The following PARP16 variants were observed in gnomAD, a reference collection of about 807,000 sequenced individuals.
The protein encoded by PARP16 is poly(ADP-ribose) polymerase family member 16, also known as protein mono-ADP-ribosyltransferase PARP16.
A neutral mutation model predicts 35.0 loss-of-function variants in PARP16; 31 were observed. The observed-to-expected ratio is 0.88, with a 90% CI of 0.66 to 1.19. PARP16 has a LOEUF of 1.19. PARP16 is among the 50% of genes most tolerant of loss of function. The probability of loss-of-function intolerance (pLI) is 0.00; values close to 1 mark genes in which losing one functional copy is unlikely to be tolerated. For synonymous variants in PARP16, 162 were observed against 169.5 expected, an observed-to-expected ratio of 0.96 and a Z score of 0.34; for missense variants, 424 against 411.2, an observed-to-expected ratio of 1.03 and a Z score of -0.27.
chr15:65,250,106 C>CTTTTTTTTTTTTTTTT (rs1567013240), intron 2 of PARP16, among the ~76,000 whole-genome samples: 2 of 104,198 alleles, frequency 1.9e-5, no homozygotes, highest in Admixed American at 1.1e-4. Context: ...CACCTGCTTG[C>CTTTTTTTTTTTTTTTT]CTTTTTTTTT....
chr15:65,270,846 C>T (rs1472442406), intron 2 of PARP16, 89 bp downstream of exon 2: 5 of 1,295,274 alleles, frequency 3.9e-6, no homozygotes, highest in African/African-American at 1.5e-5. Flanking sequence ...GTCACTGGTA[C>T]ACAGGGAAGT....
At chr15:65,233,449 T>C (rs2088807327), downstream of PARP16, among the ~76,000 whole-genome samples, 1 of 150,434 alleles carries the variant, frequency 6.6e-6, no homozygotes, top group African/African-American at 2.4e-5. Context: ...AAATAACTTG[T>C]TAAGAGAAGC....
At chr15:65,256,003 TC>T (rs761226628), downstream of PARP16, among the ~76,000 whole-genome samples, 126 of 152,282 alleles carry the variant, frequency 8.3e-4, no homozygotes, top group Non-Finnish European at 1.3e-3. Context: ...CTGAAACTGT[TC>T]CTGCTGAGTT....
intron 1 of PARP16, among the ~76,000 whole-genome samples, chr15:65,284,482 G>T (rs2090521439): frequency 6.6e-6 from 1 of 151,604 alleles, no homozygotes; most frequent in Non-Finnish European, 1.5e-5. Context: ...CTGAGTAGCT[G>T]GGATTACCAG....
At chr15:65,274,101 C>T (rs1261857426) in intron 1 of PARP16, among the ~76,000 whole-genome samples, 1 of 151,516 alleles carries the variant, frequency 6.6e-6, no homozygotes, top group African/African-American at 2.4e-5. Flanking sequence ...TGCCGCCATG[C>T]CCAGCTAATT....
chr15:65,286,361 G>C lies in PARP16; in HGVS notation c.66C>G (p.Leu22=). The C allele has an allele frequency of 6.3e-7, 1 of 1,582,904 alleles. No individual in the cohort carries two copies. The highest frequency in any genetic ancestry group is 8.6e-7 in the Non-Finnish European group (1 of 1,167,066). ...GGGCCGAGGCGAAGAGGCTGCACCG[G>C]AGGTCGGCGGCCAGCATGTCGCGGC... is the stretch of plus-strand genomic sequence containing the variant. ...AAGRDMLAAD[L]RCSLFASALQ... Residue 22 remains leucine (L), a synonymous_variant, in exon 1 of 6, where the codon CTC becomes CTG. Transcript: ENST00000649807.
At chr15:65,277,081 A>C (rs796149476) in intron 1 of PARP16, among the ~76,000 whole-genome samples, 25 of 152,206 alleles carry the variant, frequency 1.6e-4, no homozygotes, top group African/African-American at 5.8e-4. Context: ...ACCCTTAATA[A>C]GGCACTTAGG....
At chr15:65,281,984 T>A (rs1204150879) in intron 1 of PARP16, among the ~76,000 whole-genome samples, 2 of 152,238 alleles carry the variant, frequency 1.3e-5, no homozygotes, top group African/African-American at 4.8e-5. Flanking sequence ...TTCACATTAC[T>A]TCCTAGTGCT....
chr15:65,249,390 T>C (rs993516720), intron 2 of PARP16, among the ~76,000 whole-genome samples: 1 of 152,182 alleles, frequency 6.6e-6, no homozygotes, highest in African/African-American at 2.4e-5. Flanking sequence ...GTGACAGTCA[T>C]ATTACAAACA....
intron 3 of PARP16, among the ~76,000 whole-genome samples, chr15:65,239,982 G>C (rs1193271567): frequency 5.1e-5 from 2 of 39,296 alleles, no homozygotes; most frequent in African/African-American, 3.0e-4. Context: ...TTTAAATACA[G>C]GGTCTCACTC....
Position 65,286,822 on chromosome 15 carries a change from G to A in PARP16, c.-396C>T. ...GCCTGGGGCGGGAAGCAGCCCCCGGGGGACGGCGGGCAGAGCCCACTCTCC... is the reference window on the plus strand; with the variant it reads ...GCCTGGGGCGGGAAGCAGCCCCCGGAGGACGGCGGGCAGAGCCCACTCTCC... On this transcript the variant is annotated 5_prime_UTR_variant, in exon 1 of 6. Coordinates refer to ENST00000649807, the MANE Select transcript of PARP16 (RefSeq NM_001316943.2). 5.5e-6 allele frequency: 1 copy of A among 181,342 alleles called. No homozygotes were observed. The highest frequency in any genetic ancestry group is 1.1e-5 in the Non-Finnish European group (1 of 87,474). 11.2% of individuals were successfully genotyped at this position (181,342 alleles called of 1,614,324 possible). A position where few individuals can be genotyped will look rare whatever the true frequency, so the allele number is the denominator to read the frequency against.
intron 2 of PARP16, among the ~76,000 whole-genome samples, chr15:65,251,639 T>C (rs931511797): frequency 6.0e-5 from 9 of 150,488 alleles, no homozygotes; most frequent in Admixed American, 1.3e-4. Flanking sequence ...TTTGATGAGA[T>C]ACTATTATCT....
intron 3 of PARP16, among the ~76,000 whole-genome samples, chr15:65,241,065 AC>A (rs1293181401): frequency 1.3e-5 from 2 of 150,308 alleles, no homozygotes; most frequent in East Asian, 3.9e-4. Context: ...TGAACTCCTG[AC>A]CTCAAGTGAT....
rs759501324 is a variant in PARP16 at position 65,266,703 on chromosome 15, A to T, written c.378T>A (p.Phe126Leu). Residue 126 changes from phenylalanine (F) to leucine (L), a missense_variant, in exon 3 of 6, where the codon TTT (phenylalanine) becomes TTA (leucine). Physicochemically the swap from Phe to Leu is conservative, Grantham distance 22. Coordinates refer to ENST00000649807, the MANE Select transcript of PARP16 (RefSeq NM_001316943.2). ...TGGCTGGGTCAAAGTACTCAATTTC[A>T]AACAGGAAGTCCGGTGCAGGAACAG... ...HTPVPAPDFLFEIEYFDPANA... is the reference protein window; with the variant it reads ...HTPVPAPDFLLEIEYFDPANA... The T allele has an allele frequency of 1.9e-6, 3 of 1,614,182 alleles. No homozygotes were observed. The Admixed American group carries it at 5.0e-5, about 27-fold the overall frequency.
chr15:65,278,463 T>G (rs1279619956), intron 1 of PARP16, among the ~76,000 whole-genome samples: 1 of 152,190 alleles, frequency 6.6e-6, no homozygotes. Flanking sequence ...TGGGGGAATC[T>G]GAATGGTGAG....
intron 1 of PARP16, among the ~76,000 whole-genome samples, chr15:65,280,651 C>T (rs964062710): frequency 2.1e-4 from 32 of 152,152 alleles, no homozygotes; most frequent in Non-Finnish European, 4.0e-4. Flanking sequence ...GGAAATTTCA[C>T]GTGTATCTTA....
At chr15:65,243,170 A>T (rs926388462) in intron 3 of PARP16, among the ~76,000 whole-genome samples, 2 of 152,204 alleles carry the variant, frequency 1.3e-5, no homozygotes, top group African/African-American at 4.8e-5. Flanking sequence ...TATAATCTTG[A>T]ATAGAAGTGG....
intron 1 of PARP16, among the ~76,000 whole-genome samples, chr15:65,277,890 T>C (rs150104687): frequency 6.6e-5 from 10 of 152,284 alleles, no homozygotes; most frequent in South Asian, 4.1e-4. Context: ...ATGTATGTAA[T>C]ATGCAGTATA....
chr15:65,233,040 G>A (rs551358590), downstream of PARP16, among the ~76,000 whole-genome samples: 17 of 152,168 alleles, frequency 1.1e-4, no homozygotes, highest in African/African-American at 3.4e-4. Flanking sequence ...AAATGATGTC[G>A]TTTCAGTCAC....
Sources: gnomAD v4.1 joint callset for allele counts (sites outside exome capture counted in the v4.1 genomes callset) on GRCh38, gnomAD v4.1.1 for gene constraint, MANE v1.5 for transcripts, NCBI Gene and HGNC (gene_info 2026-07-23, HGNC 2026-07-21) for gene names.